FAM13C: variants seen among roughly 807,000 people sequenced by gnomAD.
FAM13C encodes family with sequence similarity 13 member C.
FAM13C carries 37 observed loss-of-function variants against 73.2 expected under a neutral mutation model. That is an observed-to-expected ratio of 0.51 (90% CI 0.39 to 0.67). The LOEUF (loss-of-function observed/expected upper bound fraction) is 0.67, where lower values mean the gene tolerates loss of function less well. Among genes scored for constraint, FAM13C ranks in the 30% least tolerant of loss-of-function variants. The pLI is 0.00. For synonymous variants in FAM13C, 246 were observed against 260.9 expected (o/e 0.94, Z 0.55); for missense variants, 589 against 715.6 (o/e 0.82, Z 2.02).
intron 6 of FAM13C, among the ~76,000 whole-genome samples, chr10:59,272,479 G>A (rs1029915540): frequency 3.3e-5 from 5 of 152,184 alleles, no homozygotes; most frequent in Non-Finnish European, 4.4e-5. Context: ...GTCCTGGGAA[G>A]AGTCCAGGCC....
At chr10:59,355,832 G>T in intron 2 of FAM13C, 55 bp downstream of exon 2, 1 of 1,482,680 alleles carries the variant, frequency 6.7e-7, no homozygotes, top group Non-Finnish European at 9.4e-7. Context: ...AAAGCCACCA[G>T]ACCTAGATGG....
At chr10:59,308,776 A>T (rs1002007092) in intron 4 of FAM13C, among the ~76,000 whole-genome samples, 18 of 152,368 alleles carry the variant, frequency 1.2e-4, no homozygotes, top group African/African-American at 3.6e-4. Flanking sequence ...AAACTTGTGG[A>T]TAGCCCACTG....
intron 6 of FAM13C, among the ~76,000 whole-genome samples, chr10:59,274,232 G>A (rs1760203935): frequency 6.6e-6 from 1 of 151,970 alleles, no homozygotes; most frequent in African/African-American, 2.4e-5. Flanking sequence ...GATACATGAT[G>A]GGTTCAGTTT....
At chr10:59,315,713 C>T (rs1398679113) in intron 4 of FAM13C, among the ~76,000 whole-genome samples, 2 of 152,046 alleles carry the variant, frequency 1.3e-5, no homozygotes, top group South Asian at 2.1e-4. Flanking sequence ...AACTAGAACA[C>T]CATGAAGGCT....
At position 59,362,475 on chromosome 10, in the gene FAM13C, C is replaced by T. The variant is rs1401669615; in HGVS notation, c.-15G>A. 3.1e-6 allele frequency: 5 copies of T among 1,611,764 alleles called. No homozygotes were observed. The highest frequency in any genetic ancestry group is 4.2e-6 in the Non-Finnish European group (5 of 1,178,930). ...CAAGAAAACATCAGCCAAGTCTGGC[C>T]GGGGAGCCGTCTCCCTGATTGCTCT... On this transcript the variant is annotated 5_prime_UTR_variant, in exon 1 of 14. Transcript: ENST00000618804.
chr10:59,247,434 C>T lies in FAM13C; in HGVS notation c.*180G>A. On this transcript the variant is annotated 3_prime_UTR_variant, in exon 14 of 14. Transcript: ENST00000618804. The stretch of plus-strand genomic sequence containing the variant: ...TATGGCTACCTGTTGTATTCTTCCC[C>T]CCGTTTAAATCCCTTCTCCTTGTAT... 2.9e-6 allele frequency: 2 copies of T among 680,240 alleles called. No individual in the cohort carries two copies. The highest frequency in any genetic ancestry group is 2.4e-6 in the Non-Finnish European group (1 of 414,034). 42.1% of individuals were successfully genotyped at this position (680,240 alleles called of 1,614,324 possible). A position where few individuals can be genotyped will look rare whatever the true frequency, so the allele number is the denominator to read the frequency against.
In FAM13C at chr10:59,271,121, CCTT is replaced by C. The variant is rs375981850; in HGVS notation, c.593-1015_593-1013del. ...AGTTATTCAAGAAGCAGCCCAGTCT[CCTT>C]CTCAAGTTTGCTCAACAGACAAGTC... On this transcript the variant is annotated intron_variant, in intron 6 of 13. Transcript: ENST00000618804. Among the ~76,000 whole-genome samples, 322 of 152,316 alleles carry C rather than the reference CCTT, an allele frequency of 2.1e-3. 5 individuals are homozygous for C. Among genetic ancestry groups the C allele is most frequent in the Admixed American group, 0.016 (243 of 15,290 alleles).
Position 59,283,447 on chromosome 10 carries a change from C to A in FAM13C, c.508G>T (p.Glu170Ter). 1 of 1,614,172 alleles carries A rather than the reference C, an allele frequency of 6.2e-7. No individual in the cohort carries two copies. The highest frequency in any genetic ancestry group is 8.5e-7 in the Non-Finnish European group (1 of 1,180,020). ...ACTCCATGCACCTGAGCAGCTTCTT[C>A]CTGGTTTGTTAAAAATGCAGAGCAC... ...AFETRQDLNE[E>*]EAAQVHGVKD... Residue 170 changes from glutamate (E) to a stop codon, truncating the protein, a stop_gained and splice_region_variant, in exon 6 of 14, where the codon GAA becomes TAA. Coordinates refer to ENST00000618804, the MANE Select transcript of FAM13C (RefSeq NM_198215.4). LOFTEE classifies it high-confidence loss of function.
At chr10:59,322,883 G>T (rs1022276005) in intron 4 of FAM13C, among the ~76,000 whole-genome samples, 24 of 152,140 alleles carry the variant, frequency 1.6e-4, no homozygotes, top group African/African-American at 5.6e-4. Flanking sequence ...GAATCCAACA[G>T]GTATTACCTG....
chr10:59,311,343 A>G (rs2133932796), intron 4 of FAM13C, among the ~76,000 whole-genome samples: 1 of 152,346 alleles, frequency 6.6e-6, no homozygotes, highest in Middle Eastern at 3.4e-3. Context: ...TATTGAGGAC[A>G]CAGGATCCAG....
chr10:59,354,708 GGA>G (rs1312631499), intron 2 of FAM13C, among the ~76,000 whole-genome samples: 1 of 151,930 alleles, frequency 6.6e-6, no homozygotes, highest in Non-Finnish European at 1.5e-5. Context: ...GAAAAAAAAA[GGA>G]GAGAGAGAGA....
intron 3 of FAM13C, among the ~76,000 whole-genome samples, chr10:59,337,889 C>T (rs1483612454): frequency 6.6e-6 from 1 of 151,456 alleles, no homozygotes; most frequent in South Asian, 2.1e-4. Flanking sequence ...CATGTTGGCC[C>T]GCCTGGTCTC....
At chr10:59,258,971 C>A (rs542869030) in intron 10 of FAM13C, among the ~76,000 whole-genome samples, 2 of 152,258 alleles carry the variant, frequency 1.3e-5, no homozygotes, top group East Asian at 3.9e-4. Flanking sequence ...GTGCACCTGA[C>A]CCCACTTACA....
intron 5 of FAM13C, among the ~76,000 whole-genome samples, chr10:59,299,252 T>C (rs1847277772): frequency 6.6e-6 from 1 of 152,128 alleles, no homozygotes; most frequent in African/African-American, 2.4e-5. Flanking sequence ...TTATTTGTCA[T>C]TTAAAAATCT....
At chr10:59,261,914 CAG>C (rs1239971209) in intron 10 of FAM13C, among the ~76,000 whole-genome samples, 1 of 152,080 alleles carries the variant, frequency 6.6e-6, no homozygotes, top group Admixed American at 6.6e-5. Flanking sequence ...AGATGCCTCA[CAG>C]AGACTTCAAA....
At chr10:59,272,138 A>ACCT (rs1428850329) in intron 6 of FAM13C, among the ~76,000 whole-genome samples, 1 of 152,090 alleles carries the variant, frequency 6.6e-6, no homozygotes, top group African/African-American at 2.4e-5. Flanking sequence ...GTAATTGTAA[A>ACCT]CCTCCATTTA....
At chr10:59,293,934 A>G (rs1846590966) in intron 5 of FAM13C, among the ~76,000 whole-genome samples, 1 of 152,246 alleles carries the variant, frequency 6.6e-6, no homozygotes, top group South Asian at 2.1e-4. Flanking sequence ...TCTTCAGTTC[A>G]GCAGTAATAT....
At chr10:59,311,734 T>C (rs1364779127) in intron 4 of FAM13C, among the ~76,000 whole-genome samples, 1 of 152,064 alleles carries the variant, frequency 6.6e-6, no homozygotes, top group Non-Finnish European at 1.5e-5. Context: ...GAAGAGAAGG[T>C]GGGGTGTGTG....
At chr10:59,259,023 T>G (rs1375125149) in intron 10 of FAM13C, among the ~76,000 whole-genome samples, 2 of 152,130 alleles carry the variant, frequency 1.3e-5, no homozygotes, top group African/African-American at 4.8e-5. Context: ...CCAGCACCAA[T>G]TCAGTATTTC....
Sources: gnomAD v4.1 joint callset for allele counts (sites outside exome capture counted in the v4.1 genomes callset) on GRCh38, gnomAD v4.1.1 for gene constraint, MANE v1.5 for transcripts, NCBI Gene and HGNC (gene_info 2026-07-23, HGNC 2026-07-21) for gene names.